The following ZNF274 variants were observed in gnomAD, a reference collection of about 807,000 sequenced individuals.
The protein encoded by ZNF274 is neurotrophin receptor-interacting factor homolog.
ZNF274 carries 23 observed loss-of-function variants against 42.5 expected under a neutral mutation model. The observed-to-expected ratio is 0.54, with a 90% CI of 0.39 to 0.77. The LOEUF (loss-of-function observed/expected upper bound fraction) is 0.77. Among genes scored for constraint, ZNF274 ranks in the 30% least tolerant of loss-of-function variants. The probability of loss-of-function intolerance (pLI) is 0.00; values close to 1 mark genes in which losing one functional copy is unlikely to be tolerated. For synonymous variants in ZNF274, 292 were observed against 305.4 expected (o/e 0.96, Z 0.46); for missense variants, 679 against 806.5 (o/e 0.84, Z 1.91).
chr19:58,196,161 A>T (rs1481606177), intron 4 of ZNF274, among the ~76,000 whole-genome samples: 1 of 152,224 alleles, frequency 6.6e-6, no homozygotes, highest in Non-Finnish European at 1.5e-5. Flanking sequence ...TGAGATGTAA[A>T]CTATTACAGA....
Position 58,208,866 on chromosome 19 carries a change from A to G in ZNF274, c.740-1095A>G, listed in dbSNP as rs1391431624. ...GGGTTAATGAGGTGAAAGTCAGTGA[A>G]TTCACCCTGTGTTTAACCTCAGGGG... On this transcript the variant is annotated intron_variant, in intron 5 of 7. Transcript: ENST00000617501. The surrounding 1 kb of genome is among the most constrained non-coding windows in gnomAD (Gnocchi z 4.5). 1 of 152,226 alleles carries G rather than the reference A, an allele frequency of 6.6e-6. No homozygotes were observed. Among genetic ancestry groups the G allele is most frequent in the Non-Finnish European group, 1.5e-5 (1 of 68,046 alleles). The allele number at this position is 152,226 out of a possible 1,614,324, so 9.4% of individuals were successfully genotyped here. A position where few individuals can be genotyped will look rare whatever the true frequency, so the allele number is the denominator to read the frequency against.
In ZNF274 at chr19:58,183,260, G is replaced by A. The variant is rs112078379; in HGVS notation, c.-228G>A. The A allele has an allele frequency of 4.7e-4, 72 of 152,466 alleles. No individual in the cohort carries two copies. Among genetic ancestry groups the A allele is most frequent in the African/African-American group, 1.7e-3 (69 of 41,580 alleles). The allele number at this position is 152,466 out of a possible 1,614,324, so 9.4% of individuals were successfully genotyped here. On this transcript the variant is annotated 5_prime_UTR_variant, in exon 1 of 8. Transcript: ENST00000617501. ...CCTAGCTGGACCGCCGAGGGACATC[G>A]ACGAGTATCCTCCTCCTGCTGTCCC...
chr19:58,206,789 A>AG lies in ZNF274; in HGVS notation c.328dup (p.Val110GlyfsTer3), dbSNP rs1568709833. The AG allele has an allele frequency of 6.2e-7, 1 of 1,613,464 alleles. No individual in the cohort carries two copies. Among genetic ancestry groups the AG allele is most frequent in the Admixed American group, 1.7e-5 (1 of 59,948 alleles). ...GCTGAGAGTCCCCTAATGAACATTG[A>AG]GGTTGTTGAGGTCCTCACACTGAAC... On this transcript the variant is annotated frameshift_variant, in exon 5 of 8. Transcript: ENST00000617501. LOFTEE classifies it high-confidence loss of function.
At chr19:58,204,785 C>T (rs2075963032) in intron 4 of ZNF274, among the ~76,000 whole-genome samples, 1 of 152,100 alleles carries the variant, frequency 6.6e-6, no homozygotes, top group Non-Finnish European at 1.5e-5. Flanking sequence ...CAGGAATATT[C>T]CAGGTATGTT....
intron 4 of ZNF274, among the ~76,000 whole-genome samples, chr19:58,201,113 T>C (rs1372893000): frequency 6.7e-6 from 1 of 150,202 alleles, no homozygotes; most frequent in Non-Finnish European, 1.5e-5. Flanking sequence ...CAAGCGATTC[T>C]CCCACCTCAG....
At chr19:58,188,716 A>ATATG (rs2075742374) in intron 4 of ZNF274, among the ~76,000 whole-genome samples, 1 of 133,750 alleles carries the variant, frequency 7.5e-6, no homozygotes, top group Non-Finnish European at 1.6e-5. Context: ...ATATATATAT[A>ATATG]TATATATAAA....
At chr19:58,185,668 T>C in intron 2 of ZNF274, 44 bp from the exon 3 acceptor site, 1 of 1,388,186 alleles carries the variant, frequency 7.2e-7, no homozygotes, top group Non-Finnish European at 9.4e-7. Flanking sequence ...TCTTTTGTCG[T>C]GGATGCGGAT....
intron 4 of ZNF274, among the ~76,000 whole-genome samples, chr19:58,199,789 TA>T (rs952933964): frequency 1.1e-4 from 17 of 152,244 alleles, no homozygotes; most frequent in Non-Finnish European, 2.1e-4. Flanking sequence ...TTAATACCTT[TA>T]AAAAGTTATA....
Position 58,199,308 on chromosome 19 carries a change from G to A in ZNF274, c.257-7412G>A, listed in dbSNP as rs2075881835. ...TTGAACCCGGGAGGCGGAGGTTGCA[G>A]TGAGCCGAGATTGTGCCACTACACT... On this transcript the variant is annotated intron_variant, in intron 4 of 7. Coordinates refer to ENST00000617501, the MANE Select transcript of ZNF274 (RefSeq NM_133502.3). Among the ~76,000 whole-genome samples the A allele has an allele frequency of 2.0e-5, 3 of 152,060 alleles. No homozygotes were observed. In the South Asian group the frequency reaches 6.2e-4, roughly 32 times the overall value.
chr19:58,187,927 G>A (rs1234755083), intron 4 of ZNF274, among the ~76,000 whole-genome samples: 1 of 152,006 alleles, frequency 6.6e-6, no homozygotes, highest in Non-Finnish European at 1.5e-5. Flanking sequence ...GTTTCACCAT[G>A]TTGGCCATGC....
In ZNF274 at chr19:58,212,507, C is replaced by T. The variant is rs1055882160; in HGVS notation, c.1326C>T (p.His442=). 6.2e-7 allele frequency: 1 copy of T among 1,613,784 alleles called. No homozygotes were observed. The highest frequency in any genetic ancestry group is 8.5e-7 in the Non-Finnish European group (1 of 1,179,898). ...GALDTNQVLL[H]KIPPRKRLRK... is the part of the protein sequence containing the mutation. Reference sequence around the variant, plus strand: ...TTGACACAAACCAAGTTTTGCTCCACAAAATTCCTCCTAGAAAACGATTGC... The same window carrying T: ...TTGACACAAACCAAGTTTTGCTCCATAAAATTCCTCCTAGAAAACGATTGC... Residue 442 remains histidine (H), a synonymous_variant, in exon 8 of 8, where the codon CAC becomes CAT. Coordinates refer to ENST00000617501, the MANE Select transcript of ZNF274 (RefSeq NM_133502.3). This position sits in a 1 kb window ranked among gnomAD's most constrained non-coding sequence, Gnocchi z 4.6.
intron 4 of ZNF274, among the ~76,000 whole-genome samples, chr19:58,195,504 G>A (rs1037742698): frequency 8.6e-5 from 13 of 150,716 alleles, no homozygotes; most frequent in African/African-American, 2.9e-4. Context: ...ACGGGGAACT[G>A]TCTTCTAAAG....
At chr19:58,196,573 ACT>A (rs554853385) in intron 4 of ZNF274, among the ~76,000 whole-genome samples, 32 of 152,282 alleles carry the variant, frequency 2.1e-4, no homozygotes, top group Non-Finnish European at 4.3e-4. Flanking sequence ...ACAAATAAGA[ACT>A]TAGCAGCTTT....
Position 58,183,347 on chromosome 19 carries a change from G to A in ZNF274, c.-141G>A, listed in dbSNP as rs2075652636. ...TGGCCGCCGCTGGGTGAGGCAAGCT[G>A]GCGCGCCGCGGGGGCGTCTGGGAGT... On this transcript the variant is annotated 5_prime_UTR_variant, in exon 1 of 8. Coordinates refer to ENST00000617501, the MANE Select transcript of ZNF274 (RefSeq NM_133502.3). The A allele has an allele frequency of 6.6e-6, 1 of 152,326 alleles. No homozygotes were observed. The highest frequency in any genetic ancestry group is 2.4e-5 in the African/African-American group (1 of 41,476). The allele number at this position is 152,326 out of a possible 1,614,324, so 9.4% of individuals were successfully genotyped here. A position where few individuals can be genotyped will look rare whatever the true frequency, so the allele number is the denominator to read the frequency against.
chr19:58,201,768 G>T (rs1216687535), intron 4 of ZNF274, among the ~76,000 whole-genome samples: 1 of 152,074 alleles, frequency 6.6e-6, no homozygotes, highest in African/African-American at 2.4e-5. Flanking sequence ...GCCCACCTCG[G>T]CCTCCCAAAG....
chr19:58,192,462 A>T (rs1402086630), intron 4 of ZNF274, among the ~76,000 whole-genome samples: 1 of 152,242 alleles, frequency 6.6e-6, no homozygotes, highest in Non-Finnish European at 1.5e-5. Context: ...TGAAAGAACA[A>T]GCCATCAAGA....
At position 58,185,702 on chromosome 19, in the gene ZNF274, G is replaced by A; in HGVS notation, c.34-10G>A. The A allele has an allele frequency of 7.0e-7, 1 of 1,438,294 alleles. No individual in the cohort carries two copies. The allele number at this position is 1,438,294 out of a possible 1,614,324, so 89.1% of individuals were successfully genotyped here. On this transcript the variant is annotated splice_polypyrimidine_tract_variant and intron_variant, in intron 2 of 7. Coordinates refer to ENST00000617501, the MANE Select transcript of ZNF274 (RefSeq NM_133502.3). ...ATGGCCTGTGGCTGAACAAGAATCT[G>A]GATTTTTAGGAACCAGTGACCTTTG...
At chr19:58,191,685 A>C (rs1039589899) in intron 4 of ZNF274, among the ~76,000 whole-genome samples, 1 of 152,212 alleles carries the variant, frequency 6.6e-6, no homozygotes, top group African/African-American at 2.4e-5. Context: ...GTCAGAGGCC[A>C]CATGAGGGGA....
intron 4 of ZNF274, among the ~76,000 whole-genome samples, chr19:58,195,031 T>A (rs1464011153): frequency 2.7e-5 from 4 of 149,504 alleles, no homozygotes; most frequent in Non-Finnish European, 5.9e-5. Context: ...AATAAATAAA[T>A]AAATAAAAAT....
Sources: allele counts gnomAD v4.1 joint callset (sites outside exome capture counted in the v4.1 genomes callset), GRCh38; gene constraint gnomAD v4.1.1; non-coding constraint Gnocchi (gnomAD v3.1); transcripts MANE v1.5; gene names NCBI Gene and HGNC (gene_info 2026-07-23, HGNC 2026-07-21).